SLC10A7: variants seen among roughly 807,000 people sequenced by gnomAD.
SLC10A7 encodes sodium/bile acid cotransporter 7.
SLC10A7 carries 29 observed loss-of-function variants against 43.2 expected under a neutral mutation model. That is an observed-to-expected ratio of 0.67 (90% CI 0.50 to 0.92). The LOEUF (loss-of-function observed/expected upper bound fraction) is 0.92, where lower values mean the gene tolerates loss of function less well. Among genes scored for constraint, SLC10A7 ranks in the 40% least tolerant of loss-of-function variants. SLC10A7 has a pLI of 0.00. For missense variants in SLC10A7, 295 were observed against 403.2 expected (o/e 0.73, Z 2.30); for synonymous variants, 152 against 144.8 (o/e 1.05, Z -0.35).
intron 4 of SLC10A7, among the ~76,000 whole-genome samples, chr4:146,459,683 A>G (rs1287362145): frequency 6.6e-6 from 1 of 151,758 alleles, no homozygotes; most frequent in Non-Finnish European, 1.5e-5. Context: ...GGAATGGATC[A>G]TAGACCTAAA....
chr4:146,511,159 G>GA (rs201928982), intron 2 of SLC10A7, among the ~76,000 whole-genome samples: 15 of 150,442 alleles, frequency 1.0e-4, no homozygotes, highest in South Asian at 2.1e-4. Flanking sequence ...CCCAAGAGGG[G>GA]AAAAAAAAAT....
chr4:146,264,806 G>T (rs796535179), intron 10 of SLC10A7, among the ~76,000 whole-genome samples: 9 of 152,238 alleles, frequency 5.9e-5, no homozygotes, highest in African/African-American at 2.2e-4. Flanking sequence ...AAATTCTGTA[G>T]ATTTTTTTCC....
chr4:146,455,158 A>G (rs1201172883), intron 4 of SLC10A7, among the ~76,000 whole-genome samples: 1 of 151,900 alleles, frequency 6.6e-6, no homozygotes, highest in East Asian at 1.9e-4. Flanking sequence ...TAAATACCAT[A>G]GAGTACCAAC....
At chr4:146,354,443 C>T (rs963881242) in intron 5 of SLC10A7, among the ~76,000 whole-genome samples, 26 of 151,950 alleles carry the variant, frequency 1.7e-4, no homozygotes, top group Middle Eastern at 3.4e-3. Context: ...GAATCAATAT[C>T]GTGAAAATGG....
chr4:146,400,317 AT>A (rs1314667922), intron 5 of SLC10A7, among the ~76,000 whole-genome samples: 1 of 152,012 alleles, frequency 6.6e-6, no homozygotes, highest in Non-Finnish European at 1.5e-5. Context: ...TAAATTGGGT[AT>A]GGGGTGGGAT....
At chr4:146,499,504 C>T (rs2038319731) in intron 4 of SLC10A7, among the ~76,000 whole-genome samples, 1 of 152,154 alleles carries the variant, frequency 6.6e-6, no homozygotes, top group South Asian at 2.1e-4. Flanking sequence ...AGTCTATATT[C>T]ACTTATCTAG....
intron 5 of SLC10A7, among the ~76,000 whole-genome samples, chr4:146,340,603 TGAA>T (rs1208030825): frequency 1.3e-5 from 2 of 151,340 alleles, no homozygotes; most frequent in African/African-American, 4.9e-5. Flanking sequence ...ATTTCTATGG[TGAA>T]TTATTAAAAA....
chr4:146,271,007 G>A (rs1200516818), intron 10 of SLC10A7, among the ~76,000 whole-genome samples: 2 of 152,082 alleles, frequency 1.3e-5, no homozygotes, highest in Non-Finnish European at 2.9e-5. Context: ...GGTGTCTATA[G>A]GTCTGGCTGA....
intron 7 of SLC10A7, among the ~76,000 whole-genome samples, chr4:146,299,896 A>AAATGGAGAGGTG (rs1291646761): frequency 6.6e-6 from 1 of 152,152 alleles, no homozygotes; most frequent in Non-Finnish European, 1.5e-5. Flanking sequence ...GAAGCAGGTA[A>AAATGGAGAGGTG]AATGGAGAGG....
chr4:146,290,047 G>A (rs1456510102), intron 9 of SLC10A7, among the ~76,000 whole-genome samples: 1 of 149,446 alleles, frequency 6.7e-6, no homozygotes, highest in Admixed American at 6.6e-5. Flanking sequence ...TTCTTGGGCT[G>A]GGCGTGGTGG....
At chr4:146,354,237 A>G (rs373733833) in intron 5 of SLC10A7, among the ~76,000 whole-genome samples, 2 of 149,726 alleles carry the variant, frequency 1.3e-5, no homozygotes, top group African/African-American at 2.5e-5. Flanking sequence ...ATTCTTATAC[A>G]CCAACAACAG....
rs6837718 is a variant in SLC10A7 at position 146,257,065 on chromosome 4, T to C, written c.994-545A>G. The C allele has an allele frequency of 7.3e-3, 4,714 of 642,010 alleles. 156 individuals are homozygous for C. In the African/African-American group the frequency reaches 0.076, roughly 10 times the overall value. 39.8% of individuals were successfully genotyped at this position (642,010 alleles called of 1,614,324 possible). On this transcript the variant is annotated intron_variant, in intron 11 of 11. Coordinates refer to ENST00000335472, the MANE Select transcript of SLC10A7 (RefSeq NM_001029998.6). Reference sequence around the variant, plus strand: ...GAAAAATTCACTCTGATTAATTTGCTGTTCACTATGGCTGTATAATATTGA... The same window carrying C: ...GAAAAATTCACTCTGATTAATTTGCCGTTCACTATGGCTGTATAATATTGA...
intron 5 of SLC10A7, among the ~76,000 whole-genome samples, chr4:146,404,307 AC>A (rs1739423449): frequency 6.6e-6 from 1 of 152,200 alleles, no homozygotes; most frequent in South Asian, 2.1e-4. Flanking sequence ...GGCCTGAGCC[AC>A]CATGCTTGAC....
intron 4 of SLC10A7, among the ~76,000 whole-genome samples, chr4:146,466,539 G>T (rs1733054200): frequency 6.6e-6 from 1 of 152,130 alleles, no homozygotes; most frequent in African/African-American, 2.4e-5. Flanking sequence ...ATAAAATTCT[G>T]TAAGGACAGG....
At chr4:146,355,188 A>T (rs1329033007) in intron 5 of SLC10A7, among the ~76,000 whole-genome samples, 1 of 151,704 alleles carries the variant, frequency 6.6e-6, no homozygotes, top group Non-Finnish European at 1.5e-5. Context: ...AAACAAATTT[A>T]CAAGAAAAAA....
chr4:146,518,517 T>G (rs540193765), intron 1 of SLC10A7, among the ~76,000 whole-genome samples: 8 of 152,300 alleles, frequency 5.3e-5, no homozygotes, highest in Non-Finnish European at 1.2e-4. Context: ...ATATTTGGCA[T>G]CCTATTCAGT....
chr4:146,360,453 ATC>A (rs1269792933), intron 5 of SLC10A7, among the ~76,000 whole-genome samples: 1 of 151,746 alleles, frequency 6.6e-6, no homozygotes, highest in Non-Finnish European at 1.5e-5. Flanking sequence ...CTTTTTTTTA[ATC>A]TCTGAGACAG....
chr4:146,502,248 A>G (rs181962823), intron 4 of SLC10A7, among the ~76,000 whole-genome samples: 7 of 152,332 alleles, frequency 4.6e-5, no homozygotes, highest in Admixed American at 2.6e-4. Context: ...GACTGAAAAT[A>G]CAGTACCAAA....
chr4:146,488,499 GA>G (rs1319444355), intron 4 of SLC10A7, among the ~76,000 whole-genome samples: 1 of 152,094 alleles, frequency 6.6e-6, no homozygotes, highest in Non-Finnish European at 1.5e-5. Flanking sequence ...ATTAAGGAGG[GA>G]AAAAAAATGA....
Sources: allele counts gnomAD v4.1 joint callset (sites outside exome capture counted in the v4.1 genomes callset), GRCh38; gene constraint gnomAD v4.1.1; transcripts MANE v1.5; gene names NCBI Gene and HGNC (gene_info 2026-07-23, HGNC 2026-07-21).